The following CTDP1 variants were observed in gnomAD, a reference collection of about 807,000 sequenced individuals.
CTDP1 encodes the protein CTD phosphatase 1.
In CTDP1, 47 loss-of-function variants were observed where a neutral mutation model predicts 91.8. The observed-to-expected ratio is 0.51, with a 90% CI of 0.41 to 0.65. The LOEUF is 0.65. Ranked by LOEUF, CTDP1 falls within the 30% of genes least tolerant of loss-of-function variation. The pLI is 0.00. For missense variants in CTDP1, 1,272 were observed against 1,373.7 expected, an observed-to-expected ratio of 0.93 and a Z score of 1.17; for synonymous variants, 656 against 598.5, an observed-to-expected ratio of 1.10 and a Z score of -1.40.
In CTDP1 at chr18:79,695,986, T is replaced by C; in HGVS notation, c.408T>C (p.Ser136=). ...ECGQDLTQLQ[S]KNGKQQVPLS... The stretch of plus-strand genomic sequence containing the variant: ...GTCCTTGCACTTGCAGGTTGCAGAG[T>C]AAGAACGGGAAGCAGCAGGTGCCGC... Residue 136 remains serine (S), a synonymous_variant, in exon 3 of 13, where the codon AGT becomes AGC. Coordinates refer to ENST00000613122, the MANE Select transcript of CTDP1 (RefSeq NM_004715.5). 1.9e-6 allele frequency: 3 copies of C among 1,612,336 alleles called. No individual in the cohort carries two copies. The highest frequency in any genetic ancestry group is 1.7e-6 in the Non-Finnish European group (2 of 1,179,962).
chr18:79,701,730 G>A (rs573093092), intron 4 of CTDP1, among the ~76,000 whole-genome samples: 4 of 152,128 alleles, frequency 2.6e-5, no homozygotes, highest in Non-Finnish European at 4.4e-5. Flanking sequence ...CAGAGTATCT[G>A]CATCAACCAG....
chr18:79,694,161 G>A (rs1445492121), intron 1 of CTDP1, among the ~76,000 whole-genome samples: 3 of 151,156 alleles, frequency 2.0e-5, no homozygotes, highest in African/African-American at 7.4e-5. Flanking sequence ...GGAGTGTGGG[G>A]GCTGTGAGCA....
In CTDP1 at chr18:79,710,369, C is replaced by G. The variant is rs760470149; in HGVS notation, c.796C>G (p.Leu266Val). The G allele has an allele frequency of 1.2e-6, 2 of 1,613,760 alleles. No homozygotes were observed. The highest frequency in any genetic ancestry group is 1.1e-5 in the South Asian group (1 of 91,058). Residue 266 changes from leucine (L) to valine (V), a missense_variant, in exon 6 of 13, where the codon CTT becomes GTT. Leu to Val is a conservative substitution (Grantham distance 32, BLOSUM62 1). Coordinates refer to ENST00000613122, the MANE Select transcript of CTDP1 (RefSeq NM_004715.5). ...AGGCTTTTTAGACCCCGAGAAGAAG[C>G]TTTTTTCTCACCGAATATTATCAAG... ...IAGFLDPEKKLFSHRILSRDE... is the reference protein window; with the variant it reads ...IAGFLDPEKKVFSHRILSRDE...
Position 79,695,925 on chromosome 18 carries a change from T to C in CTDP1, c.399-52T>C, listed in dbSNP as rs1471133119. 18 of 1,416,294 alleles carry C rather than the reference T, an allele frequency of 1.3e-5. No homozygotes were observed. The East Asian group carries it at 4.1e-4, about 32-fold the overall frequency. 87.7% of individuals were successfully genotyped at this position (1,416,294 alleles called of 1,614,324 possible). On this transcript the variant is annotated intron_variant, in intron 2 of 12. Coordinates refer to ENST00000613122, the MANE Select transcript of CTDP1 (RefSeq NM_004715.5). ...CCTGTCACTTAGAGCCCAGTGTGCA[T>C]CTGTGCGCAGAGACTCAGCTGAAAG...
chr18:79,736,303 A>G (rs2122783015), intron 11 of CTDP1, 52 bp from the exon 12 acceptor site: 2 of 1,548,012 alleles, frequency 1.3e-6, no homozygotes. Flanking sequence ...CCTGTTGCGG[A>G]GGAACGGGGC....
chr18:79,701,567 AAAT>A lies in CTDP1; in HGVS notation c.622-3197_622-3195del, dbSNP rs1316830783. Among the ~76,000 whole-genome samples, 10 of 126,524 alleles carry A rather than the reference AAAT, an allele frequency of 7.9e-5. No homozygotes were observed. In the East Asian group the frequency reaches 8.8e-4, roughly 11 times the overall value. The allele number at this position is 126,524 out of a possible 152,430, so 83.0% of individuals were successfully genotyped here. ...TAAATAAATAAATAAATAAATAAATAAATAAAAGAGCTACATCTCCTAAGGCTG... is the reference window on the plus strand; with the variant it reads ...TAAATAAATAAATAAATAAATAAATAAAAAGAGCTACATCTCCTAAGGCTG... On this transcript the variant is annotated intron_variant, in intron 4 of 12. Transcript: ENST00000613122.
intron 1 of CTDP1, among the ~76,000 whole-genome samples, chr18:79,693,644 G>C (rs1417571796): frequency 6.6e-6 from 1 of 152,184 alleles, no homozygotes; most frequent in East Asian, 1.9e-4. Flanking sequence ...ACCCGGAGGA[G>C]CTCAGATTCT....
chr18:79,704,296 A>G (rs909255217), intron 4 of CTDP1, among the ~76,000 whole-genome samples: 2 of 151,886 alleles, frequency 1.3e-5, no homozygotes, highest in Non-Finnish European at 2.9e-5. Flanking sequence ...GTGTGTGCAC[A>G]CTCCTATCCC....
At chr18:79,743,584 TCTCA>T (rs1227283626) in intron 12 of CTDP1, among the ~76,000 whole-genome samples, 1 of 148,126 alleles carries the variant, frequency 6.8e-6, no homozygotes, top group Admixed American at 6.8e-5. Context: ...GTGCACCTGC[TCTCA>T]CTCCTGCTGT....
intron 8 of CTDP1, among the ~76,000 whole-genome samples, chr18:79,716,466 C>T (rs934094579): frequency 4.6e-5 from 7 of 152,204 alleles, no homozygotes; most frequent in East Asian, 3.9e-4. Context: ...AGGGCAGAGG[C>T]GGGCTTTCCG....
At position 79,715,468 on chromosome 18, in the gene CTDP1, C is replaced by A. The variant is rs758577959; in HGVS notation, c.2008C>A (p.Arg670=). The part of the protein sequence containing the change: ...ATALGAKILT[R]LVLSPDAPDR... ...GGCGCTGGGAGCGAAGATCCTCACTCGGCTGGTGCTGAGCCCCGACGCCCC... is the reference window on the plus strand; with the variant it reads ...GGCGCTGGGAGCGAAGATCCTCACTAGGCTGGTGCTGAGCCCCGACGCCCC... Residue 670 remains arginine, a synonymous_variant, in exon 8 of 13, where the codon CGG becomes AGG. Transcript: ENST00000613122. 4.4e-6 allele frequency: 7 copies of A among 1,584,166 alleles called. No individual in the cohort carries two copies. In the African/African-American group the frequency reaches 8.1e-5, roughly 18 times the overall value.
chr18:79,697,059 T>A (rs1281928111), intron 3 of CTDP1, among the ~76,000 whole-genome samples: 2 of 152,244 alleles, frequency 1.3e-5, no homozygotes, highest in Non-Finnish European at 2.9e-5. Flanking sequence ...GATTCTGGGT[T>A]TTCTGAATTA....
At chr18:79,682,093 A>G (rs1041584038) in intron 1 of CTDP1, among the ~76,000 whole-genome samples, 2 of 152,154 alleles carry the variant, frequency 1.3e-5, no homozygotes, top group Non-Finnish European at 2.9e-5. Context: ...GTTTGGAATC[A>G]GGTTCCTGCC....
At chr18:79,716,073 T>G (rs8082885) in intron 8 of CTDP1, among the ~76,000 whole-genome samples, 31,856 of 152,168 alleles carry the variant, frequency 0.21, 3,672 homozygotes, top group African/African-American at 0.3. Flanking sequence ...TAGGTGATTC[T>G]TGAAGGAAGA....
At chr18:79,712,471 A>C (rs586455) in intron 6 of CTDP1, among the ~76,000 whole-genome samples, 2 of 151,974 alleles carry the variant, frequency 1.3e-5, no homozygotes, top group African/African-American at 2.4e-5. Flanking sequence ...TTGTAGAGAC[A>C]GGGTCTTCCT....
At position 79,753,883 on chromosome 18, in the gene CTDP1, T is replaced by G. The variant is rs1448757361; in HGVS notation, c.*93T>G. 6.7e-7 allele frequency: 1 copy of G among 1,500,878 alleles called. No individual in the cohort carries two copies. The highest frequency in any genetic ancestry group is 2.0e-5 in the Admixed American group (1 of 51,046). The allele number at this position is 1,500,878 out of a possible 1,614,324, so 93.0% of individuals were successfully genotyped here. On this transcript the variant is annotated 3_prime_UTR_variant, in exon 13 of 13. Coordinates refer to ENST00000613122, the MANE Select transcript of CTDP1 (RefSeq NM_004715.5). ...CCCTCAGTCTCGGTCCACGCTGCTT[T>G]CTTCCCAAAGGACATGTATATTTGC...
At chr18:79,735,420 C>T (rs1333694855) in intron 11 of CTDP1, among the ~76,000 whole-genome samples, 2 of 152,234 alleles carry the variant, frequency 1.3e-5, no homozygotes, top group Non-Finnish European at 2.9e-5. Flanking sequence ...GTGAGCGGGG[C>T]CGTGCTCTTG....
intron 11 of CTDP1, among the ~76,000 whole-genome samples, chr18:79,729,534 C>A (rs2086522782): frequency 6.6e-6 from 1 of 152,246 alleles, no homozygotes; most frequent in Non-Finnish European, 1.5e-5. Context: ...CACACGCACA[C>A]AGAGTGACTG....
intron 1 of CTDP1, among the ~76,000 whole-genome samples, chr18:79,685,847 A>G (rs1166798470): frequency 1.3e-5 from 2 of 152,360 alleles, no homozygotes; most frequent in Admixed American, 1.3e-4. Context: ...TGAATTGGTA[A>G]TTCTTTTAGA....
Sources: gnomAD v4.1 joint callset for allele counts (sites outside exome capture counted in the v4.1 genomes callset) on GRCh38, gnomAD v4.1.1 for gene constraint, MANE v1.5 for transcripts, NCBI Gene and HGNC (gene_info 2026-07-23, HGNC 2026-07-21) for gene names.